Variants in MAGI2 observed in about 807,000 individuals in gnomAD.
MAGI2 encodes the protein membrane-associated guanylate kinase, WW and PDZ domain-containing protein 2.
MAGI2 carries 35 observed loss-of-function variants against 133.3 expected under a neutral mutation model. The ratio of observed to expected loss-of-function variants is 0.26; its 90% confidence interval spans 0.20 to 0.35. MAGI2 has a LOEUF of 0.35. Ranked by LOEUF, MAGI2 falls within the 10% of genes least tolerant of loss-of-function variation. The pLI is 1.00. For missense variants in MAGI2, 1,636 were observed against 1,863.4 expected, an observed-to-expected ratio of 0.88 and a Z score of 2.25; for synonymous variants, 729 against 710.6, an observed-to-expected ratio of 1.03 and a Z score of -0.41.
At chr7:78,566,224 A>G (rs1584661075) in intron 3 of MAGI2, among the ~76,000 whole-genome samples, 1 of 152,264 alleles carries the variant, frequency 6.6e-6, no homozygotes, top group East Asian at 1.9e-4. Flanking sequence ...AGGAAATGGG[A>G]AGAGGGAAAG....
At chr7:78,917,306 G>A (rs947642735) in intron 2 of MAGI2, among the ~76,000 whole-genome samples, 23 of 152,038 alleles carry the variant, frequency 1.5e-4, no homozygotes, top group African/African-American at 5.1e-4. Flanking sequence ...GTGAACATGT[G>A]GACCTGGTTG....
At chr7:79,019,793 C>T (rs983256067) in intron 1 of MAGI2, among the ~76,000 whole-genome samples, 1 of 152,152 alleles carries the variant, frequency 6.6e-6, no homozygotes, top group Non-Finnish European at 1.5e-5. Flanking sequence ...GATCCACCTG[C>T]CTTGTCCTCC....
intron 20 of MAGI2, among the ~76,000 whole-genome samples, chr7:78,095,814 T>A (rs1413118534): frequency 6.6e-6 from 1 of 152,212 alleles, no homozygotes; most frequent in Non-Finnish European, 1.5e-5. Flanking sequence ...TTAGTCTTTA[T>A]CTTTGGCTGT....
intron 1 of MAGI2, among the ~76,000 whole-genome samples, chr7:79,030,584 T>C (rs368862879): frequency 6.6e-6 from 1 of 152,284 alleles, no homozygotes; most frequent in Admixed American, 6.5e-5. Context: ...ACATGCTAAA[T>C]GCATGAACAT....
chr7:79,008,815 C>T (rs1807741486), intron 1 of MAGI2: 1 of 152,128 alleles, frequency 6.6e-6, no homozygotes, highest in Non-Finnish European at 1.5e-5. Context: ...CTTGCTGGCA[C>T]CACACTAAAA....
chr7:78,683,529 C>T (rs929244044), intron 2 of MAGI2, among the ~76,000 whole-genome samples: 4 of 152,254 alleles, frequency 2.6e-5, no homozygotes, highest in African/African-American at 9.6e-5. Context: ...AAAAGGGATA[C>T]AATTTTCATT....
chr7:78,869,845 C>A (rs1003998081), intron 2 of MAGI2, among the ~76,000 whole-genome samples: 3 of 152,162 alleles, frequency 2.0e-5, no homozygotes, highest in African/African-American at 7.2e-5. Context: ...GGCTAACCAT[C>A]AGTGTCCTTT....
At chr7:78,264,106 C>T (rs975023259) in intron 9 of MAGI2, among the ~76,000 whole-genome samples, 1 of 152,098 alleles carries the variant, frequency 6.6e-6, no homozygotes, top group Non-Finnish European at 1.5e-5. Context: ...TCCATTTAAC[C>T]ACACTAACAG....
At chr7:78,860,958 C>A (rs1287961710) in intron 2 of MAGI2, among the ~76,000 whole-genome samples, 1 of 152,212 alleles carries the variant, frequency 6.6e-6, no homozygotes, top group Non-Finnish European at 1.5e-5. Context: ...CACCCCTCCC[C>A]AAGCCTCGCT....
chr7:78,554,646 G>A (rs1402197074), intron 3 of MAGI2: 1 of 152,142 alleles, frequency 6.6e-6, no homozygotes, highest in Non-Finnish European at 1.5e-5. Context: ...GCAGGTCATA[G>A]GACCCTCATT....
chr7:78,611,811 C>T (rs1222170421), intron 3 of MAGI2, among the ~76,000 whole-genome samples: 1 of 152,120 alleles, frequency 6.6e-6, no homozygotes, highest in African/African-American at 2.4e-5. Context: ...AGTAGACATC[C>T]AGCACAAAAA....
chr7:78,906,739 G>T (rs1347246200), intron 2 of MAGI2, among the ~76,000 whole-genome samples: 1 of 151,622 alleles, frequency 6.6e-6, no homozygotes, highest in Non-Finnish European at 1.5e-5. Context: ...CTATAATAAA[G>T]CTTATAGAAA....
intron 1 of MAGI2, among the ~76,000 whole-genome samples, chr7:79,240,981 A>G (rs2129554969): frequency 6.6e-6 from 1 of 152,192 alleles, no homozygotes; most frequent in East Asian, 1.9e-4. Flanking sequence ...GTCTTCAAAA[A>G]GTAAACTAAT....
chr7:79,256,020 C>T (rs774393625), intron 1 of MAGI2, among the ~76,000 whole-genome samples: 3 of 152,094 alleles, frequency 2.0e-5, no homozygotes, highest in Admixed American at 2.0e-4. Flanking sequence ...AATGCAGCAT[C>T]ATTTCTTATC....
intron 2 of MAGI2, among the ~76,000 whole-genome samples, chr7:78,853,428 T>C (rs2151484636): frequency 7.5e-6 from 1 of 133,238 alleles, no homozygotes; most frequent in African/African-American, 2.8e-5. Flanking sequence ...TTATCATAGC[T>C]CACTGCAGCC....
intron 2 of MAGI2, among the ~76,000 whole-genome samples, chr7:78,829,165 T>C (rs1372614239): frequency 6.6e-6 from 1 of 152,152 alleles, no homozygotes; most frequent in Admixed American, 6.5e-5. Context: ...ATTATTTGTA[T>C]ACATTCATAT....
chr7:78,596,112 A>AGGAAGGAAGGAG (rs901935306), intron 3 of MAGI2, among the ~76,000 whole-genome samples: 20 of 146,796 alleles, frequency 1.4e-4, no homozygotes, highest in African/African-American at 4.0e-4. Flanking sequence ...TGTCCATATT[A>AGGAAGGAAGGAG]GGAAGGAAGG....
intron 1 of MAGI2, among the ~76,000 whole-genome samples, chr7:79,286,220 GAAGTAATAAATAT>G (rs375260077): frequency 1.7e-4 from 26 of 152,182 alleles, no homozygotes; most frequent in African/African-American, 6.3e-4. Context: ...AGAGGAAATG[GAAGTAATAAATAT>G]AAGTAATAAA....
At chr7:79,365,034 A>C (rs962258583) in intron 1 of MAGI2, among the ~76,000 whole-genome samples, 2 of 152,168 alleles carry the variant, frequency 1.3e-5, no homozygotes, top group African/African-American at 4.8e-5. Flanking sequence ...AAACCTCTCA[A>C]AATATAACAT....
Sources: allele counts gnomAD v4.1 joint callset (sites outside exome capture counted in the v4.1 genomes callset), GRCh38; gene constraint gnomAD v4.1.1; transcripts MANE v1.5; gene names NCBI Gene and HGNC (gene_info 2026-07-23, HGNC 2026-07-21).